UMAD1: variants seen among roughly 807,000 people sequenced by gnomAD.
The protein encoded by UMAD1 is UBAP1-MVB12-associated (UMA) domain containing 1.
In UMAD1, 8 loss-of-function variants were observed where a neutral mutation model predicts 6.1. The observed-to-expected ratio is 1.30, with a 90% CI of 0.76 to 2.35. UMAD1 has a LOEUF of 2.35. Ranked by LOEUF, UMAD1 falls within the 30% of genes most tolerant of loss-of-function variation. The pLI is 0.00. For missense variants in UMAD1, 130 were observed against 78.4 expected, an observed-to-expected ratio of 1.66 and a Z score of -2.49; for synonymous variants, 56 against 31.4, an observed-to-expected ratio of 1.78 and a Z score of -2.61.
At chr7:7,850,969 T>G (rs892593510) in intron 3 of UMAD1, among the ~76,000 whole-genome samples, 1 of 152,170 alleles carries the variant, frequency 6.6e-6, no homozygotes, top group Non-Finnish European at 1.5e-5. Flanking sequence ...AATGAAATAC[T>G]TCTTTTATGA....
chr7:7,644,787 A>G (rs1185520535), intron 1 of UMAD1, among the ~76,000 whole-genome samples: 1 of 151,952 alleles, frequency 6.6e-6, no homozygotes, highest in Non-Finnish European at 1.5e-5. Flanking sequence ...TGTTCTCGGG[A>G]ATGTCTTGGT....
chr7:7,856,264 C>T (rs1483708109), intron 3 of UMAD1, among the ~76,000 whole-genome samples: 1 of 152,208 alleles, frequency 6.6e-6, no homozygotes, highest in Non-Finnish European at 1.5e-5. Context: ...ATACCCGAGA[C>T]TGCGTAATTA....
chr7:7,826,212 G>A (rs1022219112), intron 3 of UMAD1, among the ~76,000 whole-genome samples: 4 of 152,050 alleles, frequency 2.6e-5, no homozygotes, highest in African/African-American at 9.7e-5. Flanking sequence ...CAAAACAGGG[G>A]TTTGTTTTTC....
rs569907812 is a variant in UMAD1 at position 7,803,397 on chromosome 7, C to T, written c.156+1654C>T. On this transcript the variant is annotated intron_variant, in intron 3 of 3. Coordinates refer to ENST00000682710, the MANE Select transcript of UMAD1 (RefSeq NM_001302348.2). ...GGCTGAGGTGGGAGAATTGCTTGAG[C>T]CCGGGAATTCAAGGCTCCCAGCCTG... 7.9e-5 allele frequency among the ~76,000 whole-genome samples: 12 copies of T among 152,262 alleles called. No individual in the cohort carries two copies. In the East Asian group the frequency reaches 2.3e-3, roughly 29 times the overall value.
Position 7,804,464 on chromosome 7 carries a change from G to A in UMAD1, c.156+2721G>A, listed in dbSNP as rs946262445. ...AAGGTGGGTGGATTGCCTGAGCTCC[G>A]GAGTTCAAGACCAGCCTGGGCAACA... On this transcript the variant is annotated intron_variant, in intron 3 of 3. Coordinates refer to ENST00000682710, the MANE Select transcript of UMAD1 (RefSeq NM_001302348.2). Among the ~76,000 whole-genome samples the A allele has an allele frequency of 2.0e-4, 31 of 152,274 alleles. 1 individual carries two copies. The highest frequency in any genetic ancestry group is 7.2e-4 in the African/African-American group (30 of 41,552).
chr7:7,810,939 C>A (rs2115283813), intron 3 of UMAD1, among the ~76,000 whole-genome samples: 1 of 152,230 alleles, frequency 6.6e-6, no homozygotes, highest in African/African-American at 2.4e-5. Flanking sequence ...CCCCTGACAC[C>A]CAGGGACCTT....
At position 7,835,239 on chromosome 7, in the gene UMAD1, G is replaced by A. The variant is rs563352917; in HGVS notation, c.156+33496G>A. Among the ~76,000 whole-genome samples the A allele has an allele frequency of 4.6e-5, 7 of 152,078 alleles. No individual in the cohort carries two copies. The South Asian group carries it at 1.5e-3, about 32-fold the overall frequency. On this transcript the variant is annotated intron_variant, in intron 3 of 3. Coordinates refer to ENST00000682710, the MANE Select transcript of UMAD1 (RefSeq NM_001302348.2). ...TTTCTGCTTTTTTATTGTTTTGTGT[G>A]TATCTTGATCTTGTTATTTGAAGCA...
chr7:7,742,641 AT>A (rs1781495161), intron 2 of UMAD1: 2 of 337,224 alleles, frequency 5.9e-6, no homozygotes, highest in African/African-American at 4.4e-5. Context: ...AAGAACCATA[AT>A]TTTCAAGTGA....
chr7:7,723,731 G>A (rs1485934666), intron 2 of UMAD1, among the ~76,000 whole-genome samples: 4 of 152,214 alleles, frequency 2.6e-5, no homozygotes, highest in Admixed American at 2.6e-4. Context: ...ACTGGATCCT[G>A]AGGTGGCAGG....
At chr7:7,827,366 C>T (rs1237766528) in intron 3 of UMAD1, among the ~76,000 whole-genome samples, 4 of 151,908 alleles carry the variant, frequency 2.6e-5, no homozygotes, top group East Asian at 3.9e-4. Flanking sequence ...GGCAGGCAAA[C>T]GAGAATAGCA....
intron 2 of UMAD1, among the ~76,000 whole-genome samples, chr7:7,795,920 G>T (rs933513448): frequency 1.1e-4 from 16 of 152,120 alleles, no homozygotes; most frequent in African/African-American, 3.9e-4. Context: ...ATCCCATCCT[G>T]TGACTAAGAA....
rs187085652 is a variant in UMAD1 at position 7,758,055 on chromosome 7, T to A, written c.83-43615T>A. Among the ~76,000 whole-genome samples, 24 of 152,196 alleles carry A rather than the reference T, an allele frequency of 1.6e-4. 1 individual carries two copies. The highest frequency in any genetic ancestry group is 3.9e-4 in the East Asian group (2 of 5,182). On this transcript the variant is annotated intron_variant, in intron 2 of 3. Coordinates refer to ENST00000682710, the MANE Select transcript of UMAD1 (RefSeq NM_001302348.2). Reference sequence around the variant, plus strand: ...ATGTGCTTGCTTGTTTGGGTTTTTTTAAAATTATTTTTACATTATTATTAT... The same window carrying A: ...ATGTGCTTGCTTGTTTGGGTTTTTTAAAAATTATTTTTACATTATTATTAT...
chr7:7,755,946 A>G (rs1050031302), intron 2 of UMAD1, among the ~76,000 whole-genome samples: 2 of 152,222 alleles, frequency 1.3e-5, no homozygotes, highest in African/African-American at 2.4e-5. Flanking sequence ...ACTGACACAC[A>G]CTTATCACTA....
chr7:7,703,297 G>T (rs1466940410), intron 2 of UMAD1, among the ~76,000 whole-genome samples: 1 of 152,120 alleles, frequency 6.6e-6, no homozygotes, highest in Non-Finnish European at 1.5e-5. Flanking sequence ...TGGAATTCGT[G>T]TGTTCTCATT....
intron 2 of UMAD1, among the ~76,000 whole-genome samples, chr7:7,725,226 C>G (rs1275042755): frequency 2.6e-5 from 4 of 152,212 alleles, no homozygotes; most frequent in African/African-American, 9.6e-5. Flanking sequence ...GGAGGCAGCA[C>G]ATTCCTCATT....
At chr7:7,705,004 G>A (rs967833896) in intron 2 of UMAD1, among the ~76,000 whole-genome samples, 15 of 152,260 alleles carry the variant, frequency 9.9e-5, no homozygotes, top group African/African-American at 3.6e-4. Context: ...GAGGAAGGGC[G>A]CTGATTGTGA....
intron 1 of UMAD1, among the ~76,000 whole-genome samples, chr7:7,672,657 C>T (rs751136393): frequency 6.6e-6 from 1 of 152,170 alleles, no homozygotes; most frequent in Non-Finnish European, 1.5e-5. Context: ...CACTCATTCT[C>T]TCCCTGTCGT....
intron 1 of UMAD1, among the ~76,000 whole-genome samples, chr7:7,663,360 A>G (rs1785524874): frequency 1.5e-5 from 2 of 132,110 alleles, no homozygotes; most frequent in African/African-American, 2.8e-5. Context: ...ATGTTAATCA[A>G]TTTAATTAAT....
At chr7:7,729,756 AC>A (rs1781211522) in intron 2 of UMAD1, among the ~76,000 whole-genome samples, 1 of 152,064 alleles carries the variant, frequency 6.6e-6, no homozygotes, top group African/African-American at 2.4e-5. Context: ...TCTCTTTTCT[AC>A]CCCAGTCATT....
Sources: allele counts gnomAD v4.1 joint callset (sites outside exome capture counted in the v4.1 genomes callset), GRCh38; gene constraint gnomAD v4.1.1; transcripts MANE v1.5; gene names NCBI Gene and HGNC (gene_info 2026-07-23, HGNC 2026-07-21).